The following ZBTB20 variants were observed in gnomAD, a reference collection of about 807,000 sequenced individuals.
The protein encoded by ZBTB20 is zinc finger and BTB domain containing 20, also known as zinc finger and BTB domain-containing protein 20.
In ZBTB20, 9 loss-of-function variants were observed where a neutral mutation model predicts 56.9. The ratio of observed to expected loss-of-function variants is 0.16; its 90% CI spans 0.10 to 0.28. The LOEUF (loss-of-function observed/expected upper bound fraction) is 0.28. Among genes scored for constraint, ZBTB20 ranks in the 10% least tolerant of loss-of-function variants. ZBTB20 has a pLI of 1.00. For synonymous variants in ZBTB20, 417 were observed against 420.7 expected (o/e 0.99, Z 0.11); for missense variants, 655 against 1,003.0 (o/e 0.65, Z 4.69).
intron 3 of ZBTB20, among the ~76,000 whole-genome samples, chr3:114,943,466 TA>T (rs2076786859): frequency 6.9e-6 from 1 of 145,704 alleles, no homozygotes; most frequent in Non-Finnish European, 1.5e-5. Flanking sequence ...TATAGTCTTT[TA>T]AAAACAGTGA....
At chr3:115,024,554 G>C (rs1259461660) in intron 2 of ZBTB20, among the ~76,000 whole-genome samples, 1 of 150,840 alleles carries the variant, frequency 6.6e-6, no homozygotes, top group Non-Finnish European at 1.5e-5. Flanking sequence ...AGGTGCTTTG[G>C]GAAAACAATC....
At chr3:114,902,106 G>A (rs896601859) in intron 3 of ZBTB20, among the ~76,000 whole-genome samples, 8 of 152,080 alleles carry the variant, frequency 5.3e-5, no homozygotes, top group Non-Finnish European at 1.5e-5. Flanking sequence ...CACCCTCACT[G>A]CTTCCTCAAA....
intron 1 of ZBTB20, among the ~76,000 whole-genome samples, chr3:115,132,085 C>A (rs548045100): frequency 6.6e-6 from 1 of 152,094 alleles, no homozygotes; most frequent in Non-Finnish European, 1.5e-5. Flanking sequence ...AAAAAAAAAT[C>A]TCCCAAGATT....
chr3:115,118,940 A>G (rs911826246), intron 1 of ZBTB20, among the ~76,000 whole-genome samples: 5 of 151,970 alleles, frequency 3.3e-5, no homozygotes, highest in African/African-American at 9.7e-5. Flanking sequence ...AAAGAGAATG[A>G]CCCTCAAATA....
At chr3:115,066,263 A>T (rs1396072670) in intron 2 of ZBTB20, among the ~76,000 whole-genome samples, 1 of 151,810 alleles carries the variant, frequency 6.6e-6, no homozygotes, top group African/African-American at 2.4e-5. Context: ...CTCCTAAAAT[A>T]GTCCTTTTTT....
intron 2 of ZBTB20, among the ~76,000 whole-genome samples, chr3:114,987,977 C>T (rs1372974078): frequency 1.3e-5 from 2 of 151,936 alleles, no homozygotes; most frequent in African/African-American, 4.8e-5. Flanking sequence ...TAGGTACAAA[C>T]TGTCTTATCA....
At chr3:114,792,472 G>A (rs2071029772) in intron 5 of ZBTB20, among the ~76,000 whole-genome samples, 1 of 152,156 alleles carries the variant, frequency 6.6e-6, no homozygotes, top group African/African-American at 2.4e-5. Context: ...GAAGTAGGGG[G>A]AAGAAACAAC....
At chr3:114,505,242 C>G (rs908661191) in intron 6 of ZBTB20, among the ~76,000 whole-genome samples, 1 of 152,022 alleles carries the variant, frequency 6.6e-6, no homozygotes, top group Non-Finnish European at 1.5e-5. Context: ...ATGGGCTTTT[C>G]TGAACATGAG....
At chr3:114,801,964 T>C (rs939345778) in intron 4 of ZBTB20, among the ~76,000 whole-genome samples, 1 of 151,890 alleles carries the variant, frequency 6.6e-6, no homozygotes, top group Non-Finnish European at 1.5e-5. Context: ...TAATAAATAT[T>C]AGGCTTAAAA....
intron 5 of ZBTB20, among the ~76,000 whole-genome samples, chr3:114,755,551 G>C (rs553350673): frequency 6.6e-6 from 1 of 152,144 alleles, no homozygotes; most frequent in South Asian, 2.1e-4. Flanking sequence ...TTGATTTGCT[G>C]CTAAAATATA....
chr3:114,602,108 G>A (rs1223422449), intron 6 of ZBTB20, among the ~76,000 whole-genome samples: 1 of 152,002 alleles, frequency 6.6e-6, no homozygotes, highest in African/African-American at 2.4e-5. Context: ...ATCTATTGAA[G>A]TTAATCATCT....
intron 3 of ZBTB20, among the ~76,000 whole-genome samples, chr3:114,936,135 A>G (rs260187): frequency 0.98 from 149,682 of 152,280 alleles, 73,634 homozygotes; most frequent in East Asian, 1. Flanking sequence ...AAACACAATA[A>G]TGGAGGAAAT....
intron 6 of ZBTB20, among the ~76,000 whole-genome samples, chr3:114,615,712 A>G (rs1165650622): frequency 6.6e-6 from 1 of 152,236 alleles, no homozygotes; most frequent in African/African-American, 2.4e-5. Flanking sequence ...ATTTTAGAAC[A>G]GCTTATCGCC....
chr3:114,526,334 C>T (rs182760030), intron 6 of ZBTB20, among the ~76,000 whole-genome samples: 1 of 152,232 alleles, frequency 6.6e-6, no homozygotes, highest in East Asian at 1.9e-4. Flanking sequence ...TGAAGATGCA[C>T]CTGCACTAGT....
At chr3:114,918,253 A>G (rs1222918529) in intron 3 of ZBTB20, among the ~76,000 whole-genome samples, 9 of 151,942 alleles carry the variant, frequency 5.9e-5, no homozygotes. Flanking sequence ...TCATCCTTCC[A>G]TGTGGTGAGC....
At chr3:114,559,037 TTG>T (rs2051648811) in intron 6 of ZBTB20, among the ~76,000 whole-genome samples, 1 of 152,146 alleles carries the variant, frequency 6.6e-6, no homozygotes, top group Non-Finnish European at 1.5e-5. Flanking sequence ...TCATTCTTCA[TTG>T]TGTGTTAGTG....
intron 6 of ZBTB20, among the ~76,000 whole-genome samples, chr3:114,646,617 A>C (rs1305761879): frequency 6.6e-6 from 1 of 152,230 alleles, no homozygotes; most frequent in Non-Finnish European, 1.5e-5. Context: ...TGTAAATGTA[A>C]AGAAAACAAA....
intron 3 of ZBTB20, among the ~76,000 whole-genome samples, chr3:114,917,558 G>A (rs1407029332): frequency 6.6e-6 from 1 of 152,130 alleles, no homozygotes; most frequent in African/African-American, 2.4e-5. Context: ...TAAATTTTTG[G>A]TCAATGCAGC....
intron 6 of ZBTB20, among the ~76,000 whole-genome samples, chr3:114,604,065 CT>C (rs2056962333): frequency 6.6e-6 from 1 of 152,036 alleles, no homozygotes; most frequent in African/African-American, 2.4e-5. Context: ...TGCAGATAAA[CT>C]TGCACATCTA....
Sources: allele counts gnomAD v4.1 joint callset (sites outside exome capture counted in the v4.1 genomes callset), GRCh38; gene constraint gnomAD v4.1.1; transcripts MANE v1.5; gene names NCBI Gene and HGNC (gene_info 2026-07-23, HGNC 2026-07-21).